Variants in PARPBP observed in about 807,000 individuals in gnomAD.
The protein encoded by PARPBP is PARP1 binding protein, also known as PCNA-interacting partner.
PARPBP carries 52 observed loss-of-function variants against 50.0 expected under a neutral mutation model. The ratio of observed to expected loss-of-function variants is 1.04; its 90% CI spans 0.83 to 1.31. PARPBP has a LOEUF of 1.31. Among genes scored for constraint, PARPBP ranks in the 50% most tolerant of loss-of-function variants. PARPBP has a pLI of 0.00. For missense variants in PARPBP, 697 were observed against 672.0 expected (o/e 1.04, Z -0.41); for synonymous variants, 244 against 232.1 (o/e 1.05, Z -0.47).
intron 7 of PARPBP, among the ~76,000 whole-genome samples, 200 bp from the exon 8 acceptor site, chr12:102,178,392 G>A (rs1201621670): frequency 6.6e-6 from 1 of 152,142 alleles, no homozygotes; most frequent in Non-Finnish European, 1.5e-5. Context: ...TATTATTTTT[G>A]TGCTTTTGGA....
chr12:102,189,595 A>AT (rs1890613568), intron 9 of PARPBP, among the ~76,000 whole-genome samples: 1 of 152,246 alleles, frequency 6.6e-6, no homozygotes, highest in Non-Finnish European at 1.5e-5. Context: ...AGTGGAGGAA[A>AT]TAATAAGAGA....
At position 102,139,130 on chromosome 12, in the gene PARPBP, T is replaced by C. The variant is rs542525624; in HGVS notation, c.154-9100T>C. On this transcript the variant is annotated intron_variant, in intron 2 of 10. Coordinates refer to ENST00000327680, the MANE Select transcript of PARPBP (RefSeq NM_017915.5). ...TCTTCCTGTCCATGAGCATGGAATG[T>C]TCTTCCATTTGTCTGTGTCCTCTTT... Among the ~76,000 whole-genome samples the C allele has an allele frequency of 3.3e-5, 5 of 152,384 alleles. No homozygotes were observed. The South Asian group carries it at 8.3e-4, about 25-fold the overall frequency.
At chr12:102,194,044 AAGAT>A (rs1470894608) in intron 9 of PARPBP, among the ~76,000 whole-genome samples, 1 of 152,024 alleles carries the variant, frequency 6.6e-6, no homozygotes, top group East Asian at 1.9e-4. Flanking sequence ...ATTAGTCAGA[AAGAT>A]AGAAAATTTG....
At chr12:102,185,320 A>C (rs1048396415) in intron 9 of PARPBP, among the ~76,000 whole-genome samples, 1 of 152,192 alleles carries the variant, frequency 6.6e-6, no homozygotes, top group African/African-American at 2.4e-5. Flanking sequence ...CTGTTGATAT[A>C]ATGTATCACA....
chr12:102,195,236 G>T (rs1180954120), intron 9 of PARPBP, 76 bp from the exon 10 acceptor site: 1 of 887,424 alleles, frequency 1.1e-6, no homozygotes, highest in Non-Finnish European at 1.7e-6. Context: ...GATTACTATA[G>T]AGTGTGTGTC....
intron 5 of PARPBP, among the ~76,000 whole-genome samples, chr12:102,165,511 C>T (rs149144743): frequency 1.2e-3 from 185 of 152,272 alleles, no homozygotes; most frequent in Non-Finnish European, 2.2e-3. Context: ...CCTCAATCTG[C>T]AGCTGGGTGT....
chr12:102,142,895 G>A (rs1356519740), intron 2 of PARPBP, among the ~76,000 whole-genome samples: 3 of 152,156 alleles, frequency 2.0e-5, no homozygotes, highest in Non-Finnish European at 2.9e-5. Context: ...GGTGTCAGTC[G>A]GCCCCTACTG....
At chr12:102,135,376 T>C (rs58071346) in intron 2 of PARPBP, among the ~76,000 whole-genome samples, 39,267 of 151,408 alleles carry the variant, frequency 0.26, 5,227 homozygotes, top group East Asian at 0.42. Context: ...AACCCCATCT[T>C]TACTAAAAAT....
At chr12:102,145,024 A>G (rs1050815571) in intron 2 of PARPBP, among the ~76,000 whole-genome samples, 4 of 152,190 alleles carry the variant, frequency 2.6e-5, no homozygotes, top group Admixed American at 2.0e-4. Flanking sequence ...TAATTTTTTT[A>G]GTTGTGTTTG....
intron 2 of PARPBP, among the ~76,000 whole-genome samples, chr12:102,124,304 A>G (rs1293398816): frequency 6.6e-6 from 1 of 152,226 alleles, no homozygotes; most frequent in African/African-American, 2.4e-5. Flanking sequence ...GATTTAGGAT[A>G]AACATGTAAC....
chr12:102,177,411 C>G (rs1889385346), intron 7 of PARPBP, among the ~76,000 whole-genome samples: 1 of 152,218 alleles, frequency 6.6e-6, no homozygotes, highest in South Asian at 2.1e-4. Flanking sequence ...CAGAGTTATA[C>G]AGGATATACA....
intron 6 of PARPBP, among the ~76,000 whole-genome samples, chr12:102,168,757 A>C (rs558254472): frequency 1.3e-5 from 2 of 152,080 alleles, no homozygotes. Context: ...GTGGGTGGGA[A>C]AGTGGATAAC....
intron 2 of PARPBP, among the ~76,000 whole-genome samples, chr12:102,134,597 T>C (rs1190830533): frequency 6.6e-6 from 1 of 152,182 alleles, no homozygotes; most frequent in African/African-American, 2.4e-5. Context: ...TCCAGCTCAT[T>C]TTATGAAGCC....
intron 4 of PARPBP, among the ~76,000 whole-genome samples, chr12:102,163,331 G>A (rs572249090): frequency 6.6e-6 from 1 of 152,234 alleles, no homozygotes; most frequent in African/African-American, 2.4e-5. Context: ...TGGATGATTT[G>A]TTAACCTTAT....
In PARPBP at chr12:102,148,244, TAC is replaced by T. The variant is rs1481249713; in HGVS notation, c.170_171del (p.Thr57SerfsTer5). On this transcript the variant is annotated frameshift_variant, in exon 3 of 11. Transcript: ENST00000327680. LOFTEE classifies it high-confidence loss of function. ...ATCTTTTTCAGCACAGTGGAGAATT[TAC>T]AGTCTCTCTCAGTGATGTTTTATTG... ...ENNKQHSGEF[T>X]VSLSDVLLTW... 7.1e-6 allele frequency: 11 copies of T among 1,547,246 alleles called. No homozygotes were observed. Among genetic ancestry groups the T allele is most frequent in the East Asian group, 2.3e-5 (1 of 44,040 alleles).
chr12:102,151,259 C>T (rs1057385921), intron 3 of PARPBP, among the ~76,000 whole-genome samples: 16 of 152,066 alleles, frequency 1.1e-4, no homozygotes, highest in African/African-American at 3.6e-4. Flanking sequence ...AGTGCACCTG[C>T]GTGGGCCTGG....
At chr12:102,171,649 G>A (rs1888747408) in intron 6 of PARPBP, among the ~76,000 whole-genome samples, 2 of 151,952 alleles carry the variant, frequency 1.3e-5, no homozygotes, top group Non-Finnish European at 2.9e-5. Context: ...GGCGGATCAC[G>A]AGGTCAGGAG....
In PARPBP at chr12:102,120,198, A is replaced by AGCGGCGACTGCGGCGGCC. The variant is rs1880754335; in HGVS notation, c.-87_-70dup. 1.2e-5 allele frequency: 3 copies of AGCGGCGACTGCGGCGGCC among 242,148 alleles called. No individual in the cohort carries two copies. The highest frequency in any genetic ancestry group is 1.0e-4 in the South Asian group (3 of 28,710). The allele number at this position is 242,148 out of a possible 1,614,324, so 15.0% of individuals were successfully genotyped here. A position where few individuals can be genotyped will look rare whatever the true frequency, so the allele number is the denominator to read the frequency against. On this transcript the variant is annotated 5_prime_UTR_variant, in exon 1 of 11. Transcript: ENST00000327680. ...GGTTTGAACTGTATTCAGCGGCGAC[A>AGCGGCGACTGCGGCGGCC]GCGGCGACTGCGGCGGCCGCGGGAG... is the stretch of plus-strand genomic sequence containing the variant.
At chr12:102,186,936 A>G (rs1484791668) in intron 9 of PARPBP, among the ~76,000 whole-genome samples, 1 of 151,832 alleles carries the variant, frequency 6.6e-6, no homozygotes, top group African/African-American at 2.4e-5. Flanking sequence ...ACACCCAGGT[A>G]GTAGTCCAAT....
Sources: gnomAD v4.1 joint callset for allele counts (sites outside exome capture counted in the v4.1 genomes callset) on GRCh38, gnomAD v4.1.1 for gene constraint, MANE v1.5 for transcripts, NCBI Gene and HGNC (gene_info 2026-07-23, HGNC 2026-07-21) for gene names.